RGPD3: variants seen among roughly 807,000 people sequenced by gnomAD.
RGPD3 encodes ranBP2-like and GRIP domain-containing protein 3.
In RGPD3, 62 loss-of-function variants were observed where a neutral mutation model predicts 154.5. The observed-to-expected ratio is 0.40, with a 90% CI of 0.33 to 0.50. The LOEUF is 0.50. Among genes scored for constraint, RGPD3 ranks in the 20% least tolerant of loss-of-function variants. The pLI is 0.59. For synonymous variants in RGPD3, 308 were observed against 607.0 expected, an observed-to-expected ratio of 0.51 and a Z score of 7.24; for missense variants, 919 against 1,716.8, an observed-to-expected ratio of 0.54 and a Z score of 8.21.
intron 1 of RGPD3, among the ~76,000 whole-genome samples, chr2:106,463,134 A>G (rs570084712): frequency 6.6e-6 from 1 of 152,030 alleles, no homozygotes; most frequent in South Asian, 2.1e-4. Flanking sequence ...GAATCTCATC[A>G]GACTCCTAAC....
At chr2:106,416,354 G>GT (rs1168933119) in intron 20 of RGPD3, among the ~76,000 whole-genome samples, 2 of 133,472 alleles carry the variant, frequency 1.5e-5, no homozygotes, top group Non-Finnish European at 3.2e-5. Flanking sequence ...TACTGGTCAC[G>GT]TATCATGTTC....
rs151057482 is a variant in RGPD3, at chr2:106,423,763, C to G, written c.4204G>C (p.Val1402Leu). Residue 1402 changes from valine (V) to leucine (L), a missense_variant, in exon 20 of 23, where the codon GTA (valine) becomes CTA (leucine). By Grantham distance (32) the Val-to-Leu change is conservative. Transcript: ENST00000409886. ...HVRILMRRDQ[V>L]LKLCANHRIT... ...CTGTGATTGGCACAAAGTTTTAATA[C>G]TTGGTCCCTTCTCATCAGTATACGA... is the stretch of plus-strand genomic sequence containing the variant. The G allele has an allele frequency of 1.5e-3, 2,468 of 1,611,760 alleles. No homozygotes were observed. In the African/African-American group the frequency reaches 0.027, roughly 18 times the overall value.
At chr2:106,426,699 A>G (rs1310930698) in intron 18 of RGPD3, among the ~76,000 whole-genome samples, 3 of 152,246 alleles carry the variant, frequency 2.0e-5, no homozygotes, top group Non-Finnish European at 4.4e-5. Context: ...CAAAACGACT[A>G]GAAGGCACCC....
upstream of RGPD3, among the ~76,000 whole-genome samples, chr2:106,469,736 G>C (rs903718230): frequency 6.6e-6 from 1 of 152,004 alleles, no homozygotes. Context: ...ACCTCTCAAG[G>C]CCTCTCATAT....
At chr2:106,433,500 AT>A (rs1277155940) in intron 15 of RGPD3, among the ~76,000 whole-genome samples, 1 of 51,562 alleles carries the variant, frequency 1.9e-5, no homozygotes, top group Non-Finnish European at 4.3e-5. Flanking sequence ...TCTTTATTCT[AT>A]TTTTTCTTTC....
chr2:106,445,247 C>T (rs1677875593), intron 7 of RGPD3, among the ~76,000 whole-genome samples: 1 of 148,540 alleles, frequency 6.7e-6, no homozygotes, highest in African/African-American at 2.5e-5. Flanking sequence ...CGAGGTCGTG[C>T]CACTGTGCTC....
At position 106,424,462 on chromosome 2, in the gene RGPD3, G is replaced by T. The variant is rs559852822; in HGVS notation, c.3505C>A (p.Arg1169=). ...EFKQKFEECQ[R]LLLDIPLQTP... Reference sequence around the variant, plus strand: ...TGAAGTGGTATGTCTAACAGAAGCCGCTGGCATTCCTCAAATTTCTGCTTG... The same window carrying T: ...TGAAGTGGTATGTCTAACAGAAGCCTCTGGCATTCCTCAAATTTCTGCTTG... Residue 1169 remains arginine, a synonymous_variant, in exon 20 of 23, where the codon CGG becomes AGG. Coordinates refer to ENST00000409886, the MANE Select transcript of RGPD3 (RefSeq NM_001144013.2). The T allele has an allele frequency of 1.2e-6, 2 of 1,607,474 alleles. No individual in the cohort carries two copies. Among genetic ancestry groups the T allele is most frequent in the African/African-American group, 2.7e-5 (2 of 74,660 alleles).
intron 7 of RGPD3, among the ~76,000 whole-genome samples, chr2:106,446,691 G>A (rs2104496594): frequency 6.7e-6 from 1 of 149,294 alleles, no homozygotes; most frequent in Admixed American, 6.7e-5. Flanking sequence ...GACCATCCTG[G>A]CCAACATGGT....
chr2:106,423,974 A>G lies in RGPD3; in HGVS notation c.3993T>C (p.Asp1331=). 1.2e-6 allele frequency: 2 copies of G among 1,611,804 alleles called. No homozygotes were observed. Among genetic ancestry groups the G allele is most frequent in the South Asian group, 2.2e-5 (2 of 90,966 alleles). Residue 1331 remains aspartate, a synonymous_variant, in exon 20 of 23, where the codon GAT becomes GAC. Transcript: ENST00000409886. ...GAACAACAGGTTCAAAGTACTGTCC[A>G]TCTCTCTCTTCTTCTTGAGTAACAT... ...ESDVTQEEER[D]GQYFEPVVPL...
At chr2:106,444,813 C>A (rs1415253596) in intron 7 of RGPD3, among the ~76,000 whole-genome samples, 1 of 149,030 alleles carries the variant, frequency 6.7e-6, no homozygotes, top group Admixed American at 6.8e-5. Flanking sequence ...ACAGCACCTC[C>A]CAAAACTACA....
Position 106,436,216 on chromosome 2 carries a change from T to A in RGPD3, c.1665A>T (p.Leu555=). ...VPGNSAKLRL[L]VQHEINTLRA... ...TTAGAGTGTTTATTTCATGCTGAAC[T>A]AGAAGTCTCAATTTTGCTGAGTTTC... Residue 555 remains leucine (L), a synonymous_variant, in exon 12 of 23, where the codon CTA becomes CTT. Transcript: ENST00000409886. 1 of 1,611,980 alleles carries A rather than the reference T, an allele frequency of 6.2e-7. No individual in the cohort carries two copies. The highest frequency in any genetic ancestry group is 1.3e-5 in the African/African-American group (1 of 74,980).
chr2:106,426,967 GCACAGAA>G (rs1677218310), intron 18 of RGPD3, among the ~76,000 whole-genome samples: 1 of 151,288 alleles, frequency 6.6e-6, no homozygotes, highest in Admixed American at 6.6e-5. Flanking sequence ...GAGGAAGCAG[GCACAGAA>G]CACAGAACAA....
intron 1 of RGPD3, among the ~76,000 whole-genome samples, chr2:106,466,171 G>A (rs544346084): frequency 3.3e-5 from 5 of 152,082 alleles, no homozygotes; most frequent in Non-Finnish European, 5.9e-5. Flanking sequence ...AACAAGCGTC[G>A]GGAACAAGCC....
rs1676645681 is a variant in RGPD3, at chr2:106,410,740, T to C, written c.5266+2344A>G. On this transcript the variant is annotated intron_variant, in intron 22 of 22. Coordinates refer to ENST00000409886, the MANE Select transcript of RGPD3 (RefSeq NM_001144013.2). ...TAGGTGACTAGAAGTAGATTTCTTC[T>C]TTTTTATAACTATAAAATTAGGTTT... Among the ~76,000 whole-genome samples the C allele has an allele frequency of 3.3e-5, 5 of 152,226 alleles. No individual in the cohort carries two copies. The South Asian group carries it at 8.3e-4, about 25-fold the overall frequency.
At chr2:106,459,442 T>C (rs1219668077) in intron 1 of RGPD3, 110 bp from the exon 2 acceptor site, 4 of 517,224 alleles carry the variant, frequency 7.7e-6, no homozygotes, top group African/African-American at 4.1e-5. Context: ...GCCATTTTCA[T>C]TCACTTAAAA....
intron 22 of RGPD3, among the ~76,000 whole-genome samples, chr2:106,410,991 C>T (rs1312042620): frequency 6.6e-6 from 1 of 150,540 alleles, no homozygotes; most frequent in Non-Finnish European, 1.5e-5. Flanking sequence ...ATCAATACTA[C>T]TTATGAAGTA....
At chr2:106,421,312 C>T (rs1676979832) in intron 20 of RGPD3, among the ~76,000 whole-genome samples, 1 of 152,036 alleles carries the variant, frequency 6.6e-6, no homozygotes, top group Non-Finnish European at 1.5e-5. Flanking sequence ...TCAGGGATTC[C>T]TAACCTAGAG....
chr2:106,408,508 G>C (rs1676576054), intron 22 of RGPD3, among the ~76,000 whole-genome samples: 1 of 143,586 alleles, frequency 7.0e-6, no homozygotes, highest in Admixed American at 7.1e-5. Context: ...TTAACTCACA[G>C]CCAACATCAT....
chr2:106,411,133 C>T (rs1676657952), intron 22 of RGPD3, among the ~76,000 whole-genome samples: 1 of 148,072 alleles, frequency 6.8e-6, no homozygotes, highest in South Asian at 2.3e-4. Flanking sequence ...AAATTGGGGA[C>T]CAGCAATTGG....
Sources: allele counts gnomAD v4.1 joint callset (sites outside exome capture counted in the v4.1 genomes callset), GRCh38; gene constraint gnomAD v4.1.1; transcripts MANE v1.5; gene names NCBI Gene and HGNC (gene_info 2026-07-23, HGNC 2026-07-21).